Variants in ARRDC5 observed in about 807,000 individuals in gnomAD.
The protein encoded by ARRDC5 is arrestin domain-containing protein 5.
In ARRDC5, 12 loss-of-function variants were observed where a neutral mutation model predicts 13.3. That is an observed-to-expected ratio of 0.90 (90% CI 0.58 to 1.46). ARRDC5 has a LOEUF of 1.46. Among genes scored for constraint, ARRDC5 ranks in the 40% most tolerant of loss-of-function variants. ARRDC5 has a pLI of 0.00. For synonymous variants in ARRDC5, 181 were observed against 173.4 expected (o/e 1.04, Z -0.34); for missense variants, 406 against 418.7 (o/e 0.97, Z 0.26).
the ARRDC5 span, chr19:4,910,912 C>T: frequency 0.34 from 544,065 of 1,611,324 alleles, 94,924 homozygotes; most frequent in African/African-American, 0.48. Context: ...GGACCATGGA[C>T]GGGAGGCAGA....
chr19:4,914,113 G>C, the ARRDC5 span, among the ~76,000 whole-genome samples: 3 of 151,870 alleles, frequency 2.0e-5, no homozygotes, highest in Admixed American at 2.0e-4. Flanking sequence ...GGTGTGAACC[G>C]TCGCATCCGG....
chr19:4,895,842 C>T (rs1239787775), intron 2 of ARRDC5, among the ~76,000 whole-genome samples: 1 of 152,198 alleles, frequency 6.6e-6, no homozygotes, highest in African/African-American at 2.4e-5. Context: ...TGGGTGGGGC[C>T]GTCCTGGGCA....
At chr19:4,903,013 G>A (rs558296576), upstream of ARRDC5, 9 of 480,810 alleles carry the variant, frequency 1.9e-5, no homozygotes, top group Admixed American at 2.7e-4. Flanking sequence ...TGGGAAACCT[G>A]TAGTCCTCAC....
At chr19:4,892,713 T>C (rs1323522872) in intron 2 of ARRDC5, among the ~76,000 whole-genome samples, 1 of 152,158 alleles carries the variant, frequency 6.6e-6, no homozygotes, top group East Asian at 1.9e-4. Context: ...TTTCTGATAT[T>C]TTTATTCTAC....
At chr19:4,903,016 G>A (rs1035308697), upstream of ARRDC5, 9 of 426,302 alleles carry the variant, frequency 2.1e-5, no homozygotes, top group Non-Finnish European at 3.6e-5. Context: ...GAAACCTGTA[G>A]TCCTCACTGG....
At chr19:4,899,612 C>G (rs1381798396) in intron 1 of ARRDC5, among the ~76,000 whole-genome samples, 2 of 147,852 alleles carry the variant, frequency 1.4e-5, no homozygotes, top group Non-Finnish European at 3.0e-5. Flanking sequence ...AGCCTGGGTG[C>G]CAGAGTAAAG....
At chr19:4,903,262 C>A (rs559101837), upstream of ARRDC5, 5 of 176,066 alleles carry the variant, frequency 2.8e-5, no homozygotes, top group African/African-American at 9.5e-5. Context: ...TCGTGATCCA[C>A]CCACCTCAGC....
At chr19:4,909,008 T>C in the ARRDC5 span, among the ~76,000 whole-genome samples, 1 of 151,714 alleles carries the variant, frequency 6.6e-6, no homozygotes, top group Non-Finnish European at 1.5e-5. Flanking sequence ...TGCGGGTGGG[T>C]AGAGTGGGGA....
intron 1 of ARRDC5, among the ~76,000 whole-genome samples, chr19:4,898,278 T>C (rs2031799626): frequency 6.6e-6 from 1 of 152,136 alleles, no homozygotes. Context: ...TTTTCCTTCT[T>C]GCACTTCTCG....
the ARRDC5 span, chr19:4,909,374 G>A: frequency 3.2e-6 from 2 of 615,512 alleles, no homozygotes; most frequent in Non-Finnish European, 5.8e-6. Flanking sequence ...AGAGGCGGGG[G>A]CGCCCCCCAC....
chr19:4,891,098 CAGATGGCAG>C lies in ARRDC5; in HGVS notation c.926_934del (p.Ser309_Ile311del), dbSNP rs2031484016. 6.2e-7 allele frequency: 1 copy of C among 1,613,740 alleles called. No individual in the cohort carries two copies. ...TAACACTCCGTCCTCTGACAGCTGG[CAGATGGCAG>C]AGTCCACTGAGGCGCTGGTGATGAT... On this transcript the variant is annotated inframe_deletion, in exon 3 of 3. Coordinates refer to ENST00000650722, the MANE Select transcript of ARRDC5 (RefSeq NM_001080523.3).
At chr19:4,911,127 C>T in the ARRDC5 span, 35 of 1,214,486 alleles carry the variant, frequency 2.9e-5, no homozygotes, top group African/African-American at 7.7e-5. Flanking sequence ...CCTCCCACCT[C>T]CCCCCCCAAC....
intron 2 of ARRDC5, among the ~76,000 whole-genome samples, chr19:4,896,057 G>T (rs1318478929): frequency 6.6e-6 from 1 of 152,174 alleles, no homozygotes; most frequent in Non-Finnish European, 1.5e-5. Context: ...GCTCACGCCT[G>T]TAATCCCAGC....
At chr19:4,893,587 C>G (rs1243203933) in intron 2 of ARRDC5, among the ~76,000 whole-genome samples, 3 of 150,444 alleles carry the variant, frequency 2.0e-5, no homozygotes, top group Non-Finnish European at 3.0e-5. Flanking sequence ...GGGTTGTGAC[C>G]TGTGATTTGA....
In ARRDC5 at chr19:4,891,226, C is replaced by T. The variant is rs373336077; in HGVS notation, c.807G>A (p.Thr269=). The T allele has an allele frequency of 6.4e-5, 104 of 1,613,612 alleles. No homozygotes were observed. The highest frequency in any genetic ancestry group is 7.5e-5 in the Non-Finnish European group (89 of 1,179,818). The change falls in exon 3 of 3, where the codon ACG becomes ACA. Residue 269 remains threonine, a synonymous_variant. Coordinates refer to ENST00000650722, the MANE Select transcript of ARRDC5 (RefSeq NM_001080523.3). ...GAGTGTGCATGATCTCACCGTCCTG[C>T]GTGCTGCTGCTCACGGACAGCAGCA... ...LPLLLSVSSS[T]QDGEIMHTRY...
chr19:4,903,820 C>T (rs2032000549), upstream of ARRDC5, among the ~76,000 whole-genome samples: 1 of 152,024 alleles, frequency 6.6e-6, no homozygotes, highest in South Asian at 2.1e-4. Context: ...CACTCATTTT[C>T]ATCTTAAAGA....
chr19:4,896,569 C>A (rs936805200), intron 2 of ARRDC5, 102 bp downstream of exon 2: 5 of 862,904 alleles, frequency 5.8e-6, no homozygotes, highest in Non-Finnish European at 9.4e-6. Flanking sequence ...ACACCCTTCC[C>A]TTCTCCCCAT....
chr19:4,907,356 G>A (rs572668335), upstream of ARRDC5, among the ~76,000 whole-genome samples: 5 of 152,166 alleles, frequency 3.3e-5, no homozygotes, highest in Admixed American at 2.6e-4. Context: ...TGGAACCTCC[G>A]CTTCCCAGGT....
At chr19:4,913,239 C>T in the ARRDC5 span, among the ~76,000 whole-genome samples, 1 of 144,236 alleles carries the variant, frequency 6.9e-6, no homozygotes, top group Non-Finnish European at 1.5e-5. Context: ...GTTAATTAGA[C>T]ATGTACATTG....
Sources: allele counts gnomAD v4.1 joint callset (sites outside exome capture counted in the v4.1 genomes callset), GRCh38; gene constraint gnomAD v4.1.1; transcripts MANE v1.5; gene names NCBI Gene and HGNC (gene_info 2026-07-23, HGNC 2026-07-21).